Variants in TJP1 observed in about 807,000 individuals in gnomAD.
TJP1 encodes the protein tight junction protein ZO-1.
A neutral mutation model predicts 194.2 loss-of-function variants in TJP1; 43 were observed. That is an observed-to-expected ratio of 0.22 (90% CI 0.17 to 0.29). The LOEUF (loss-of-function observed/expected upper bound fraction) is 0.29. TJP1 is among the 10% of genes least tolerant of loss of function. TJP1 has a pLI of 1.00. For missense variants in TJP1, 1,971 were observed against 2,185.7 expected, an observed-to-expected ratio of 0.90 and a Z score of 1.96; for synonymous variants, 801 against 779.0, an observed-to-expected ratio of 1.03 and a Z score of -0.47.
intron 23 of TJP1, among the ~76,000 whole-genome samples, chr15:29,712,612 C>A (rs1006805280): frequency 6.6e-6 from 1 of 152,138 alleles, no homozygotes; most frequent in African/African-American, 2.4e-5. Context: ...AACACAATCA[C>A]TTAGTTATGT....
intron 1 of TJP1, among the ~76,000 whole-genome samples, chr15:29,817,838 T>C (rs1285036015): frequency 6.6e-6 from 1 of 151,988 alleles, no homozygotes; most frequent in Non-Finnish European, 1.5e-5. Flanking sequence ...CTGGGGCCTG[T>C]TACCCGGGTT....
chr15:29,871,205 C>T (rs2052506243), intron 2 of TJP1, among the ~76,000 whole-genome samples: 2 of 151,544 alleles, frequency 1.3e-5, no homozygotes, highest in Admixed American at 1.3e-4. Context: ...GGGATATTAC[C>T]CACACAGTCC....
chr15:29,758,433 G>A (rs2045787896), intron 8 of TJP1, among the ~76,000 whole-genome samples: 1 of 152,026 alleles, frequency 6.6e-6, no homozygotes, highest in East Asian at 1.9e-4. Flanking sequence ...TAATTTTAGG[G>A]GGGAAAAACC....
intron 15 of TJP1, chr15:29,730,727 G>C: frequency 1.3e-6 from 1 of 766,316 alleles, no homozygotes; most frequent in South Asian, 1.3e-5. Flanking sequence ...CCAAGAGAAA[G>C]GCTGAAGGGG....
At chr15:29,949,057 C>CACA (rs2055391761) in intron 2 of TJP1, among the ~76,000 whole-genome samples, 1 of 150,086 alleles carries the variant, frequency 6.7e-6, no homozygotes, top group Admixed American at 6.6e-5. Flanking sequence ...CCGCCACCTC[C>CACA]ACCACCACCT....
intron 2 of TJP1, among the ~76,000 whole-genome samples, chr15:29,885,746 T>G (rs1198427607): frequency 1.3e-5 from 2 of 152,210 alleles, no homozygotes; most frequent in African/African-American, 4.8e-5. Context: ...TCTATTTCAG[T>G]AAAGAGCAAT....
At chr15:29,800,145 T>A (rs1337160127) in intron 2 of TJP1, among the ~76,000 whole-genome samples, 1 of 152,196 alleles carries the variant, frequency 6.6e-6, no homozygotes, top group East Asian at 1.9e-4. Context: ...TCGGACAAAG[T>A]TCTTAGTCCC....
rs139676155 is a variant in TJP1 at position 29,705,909 on chromosome 15, G to A, written c.4851-164C>T. 7.9e-4 allele frequency among the ~76,000 whole-genome samples: 120 copies of A among 152,240 alleles called. 1 individual carries two copies. In the East Asian group the frequency reaches 0.021, roughly 26 times the overall value. On this transcript the variant is annotated intron_variant, in intron 25 of 27. Transcript: ENST00000614355. ...AACAGATTTTACTGACAGGGTTATC[G>A]CAGAGAATATTATTTCTTTTTTGTT... is the stretch of plus-strand genomic sequence containing the variant.
At chr15:29,748,273 G>A (rs2044948929) in intron 8 of TJP1, among the ~76,000 whole-genome samples, 1 of 152,240 alleles carries the variant, frequency 6.6e-6, no homozygotes. Context: ...AATCCAATGT[G>A]CATTTCACAC....
chr15:29,880,015 T>A (rs989994769), intron 2 of TJP1, among the ~76,000 whole-genome samples: 12 of 152,216 alleles, frequency 7.9e-5, no homozygotes, highest in African/African-American at 2.9e-4. Context: ...ATGTTGAGTA[T>A]CACCTCAAAA....
At chr15:29,778,413 A>G (rs1052478171) in intron 2 of TJP1, among the ~76,000 whole-genome samples, 4 of 152,016 alleles carry the variant, frequency 2.6e-5, no homozygotes, top group Non-Finnish European at 5.9e-5. Flanking sequence ...TTCTGAATAT[A>G]AGATCAGTTC....
intron 2 of TJP1, among the ~76,000 whole-genome samples, chr15:29,777,069 CAAGTACTTTAGTACAAGGCAG>C (rs1344908189): frequency 3.9e-5 from 6 of 152,080 alleles, no homozygotes; most frequent in Non-Finnish European, 7.4e-5. Flanking sequence ...AATAATCACA[CAAGTACTTTAGTACAAGGCAG>C]AAGTACTTTA....
chr15:29,925,347 T>C (rs1473970843), intron 2 of TJP1, among the ~76,000 whole-genome samples: 1 of 152,192 alleles, frequency 6.6e-6, no homozygotes, highest in African/African-American at 2.4e-5. Flanking sequence ...CAGGATCTGA[T>C]AGCACCCACA....
rs1459556813 is a variant in TJP1 at position 29,720,383 on chromosome 15, G to A, written c.2738C>T (p.Pro913Leu). Residue 913 changes from proline to leucine, a missense_variant, in exon 19 of 28, where the codon CCT (proline) becomes CTT (leucine). This residue lies in a region of TJP1 where 1,108 missense variants were observed against 1,128.5 expected (regional missense o/e 0.98). Transcript: ENST00000614355. ...CTGTTGAGAGGCTGGCTTAAATCCA[G>A]GGGAGTCTATTCTATGAATTGGTTG... is the stretch of plus-strand genomic sequence containing the variant. Reference protein sequence around the residue: ...QPQPIHRIDSPGFKPASQQKA... With the variant: ...QPQPIHRIDSLGFKPASQQKA... 6.2e-7 allele frequency: 1 copy of A among 1,601,974 alleles called. No homozygotes were observed. Among genetic ancestry groups the A allele is most frequent in the South Asian group, 1.1e-5 (1 of 88,956 alleles).
intron 1 of TJP1, among the ~76,000 whole-genome samples, chr15:29,815,366 T>C (rs1440513033): frequency 1.3e-5 from 2 of 152,152 alleles, no homozygotes; most frequent in Non-Finnish European, 2.9e-5. Flanking sequence ...AGTAAAAAGG[T>C]TTTTCAAGAT....
chr15:29,814,376 C>A (rs1285220494), intron 1 of TJP1, among the ~76,000 whole-genome samples: 1 of 152,168 alleles, frequency 6.6e-6, no homozygotes, highest in Non-Finnish European at 1.5e-5. Flanking sequence ...TTTCTAGGAT[C>A]GGGATCCCAA....
chr15:29,775,116 A>G (rs904647333), intron 2 of TJP1, among the ~76,000 whole-genome samples: 1 of 152,216 alleles, frequency 6.6e-6, no homozygotes, highest in Non-Finnish European at 1.5e-5. Flanking sequence ...TCTCCACGCC[A>G]TAGGGGCTCC....
At chr15:29,703,868 C>G (rs989588384) in intron 27 of TJP1, among the ~76,000 whole-genome samples, 1 of 152,112 alleles carries the variant, frequency 6.6e-6, no homozygotes, top group African/African-American at 2.4e-5. Context: ...GTCTTGAACT[C>G]CTGACCTCAG....
intron 1 of TJP1, among the ~76,000 whole-genome samples, chr15:29,817,746 A>C (rs895598963): frequency 1.1e-4 from 16 of 152,192 alleles, no homozygotes; most frequent in African/African-American, 2.9e-4. Context: ...AGAAAACCAA[A>C]CACCACATGT....
Sources: gnomAD v4.1 joint callset for allele counts (sites outside exome capture counted in the v4.1 genomes callset) on GRCh38, gnomAD v4.1.1 for gene constraint, gnomAD v4.1.1 regional missense constraint, MANE v1.5 for transcripts, NCBI Gene and HGNC (gene_info 2026-07-23, HGNC 2026-07-21) for gene names.